Variants in HTT observed in about 807,000 individuals in gnomAD.
The protein encoded by HTT is huntingtin.
In HTT, 104 loss-of-function variants were observed where a neutral mutation model predicts 362.3. The observed-to-expected ratio is 0.29, with a 90% CI of 0.24 to 0.34. The LOEUF is 0.34. Among genes scored for constraint, HTT ranks in the 10% least tolerant of loss-of-function variants. HTT has a pLI of 1.00. For missense variants in HTT, 3,301 were observed against 3,928.6 expected, an observed-to-expected ratio of 0.84 and a Z score of 4.27; for synonymous variants, 1,577 against 1,548.7, an observed-to-expected ratio of 1.02 and a Z score of -0.43.
At chr4:3,130,472 G>A in intron 14 of HTT, 49 bp downstream of exon 14, 1 of 1,062,478 alleles carries the variant, frequency 9.4e-7, no homozygotes. Context: ...GCTTGTGTGA[G>A]GATTTAAAAT....
At chr4:3,177,408 TAGA>T (rs1240755499) in intron 34 of HTT, 21 bp downstream of exon 34, 8 of 1,516,024 alleles carry the variant, frequency 5.3e-6, no homozygotes, top group Non-Finnish European at 7.2e-6. Flanking sequence ...TTTATTATTT[TAGA>T]TTTTTTTCTT....
Position 3,157,120 on chromosome 4 carries a change from C to T in HTT, c.3674C>T (p.Ser1225Leu). Reference protein sequence around the residue: ...TSGPVTTSKSSSLGSFYHLPS... With the variant: ...TSGPVTTSKSLSLGSFYHLPS... The stretch of plus-strand genomic sequence containing the variant: ...GGTCCTGTTACAACAAGTAAATCCT[C>T]ATCACTGGGGAGTTTCTATCATCTT... The change falls in exon 28 of 67, where the codon TCA becomes TTA. Residue 1225 changes from serine to leucine, a missense_variant. Coordinates refer to ENST00000355072, the MANE Select transcript of HTT (RefSeq NM_001388492.1). 1 of 1,612,852 alleles carries T rather than the reference C, an allele frequency of 6.2e-7. No individual in the cohort carries two copies. The highest frequency in any genetic ancestry group is 8.5e-7 in the Non-Finnish European group (1 of 1,178,962).
chr4:3,118,894 A>G (rs992435944), intron 8 of HTT, among the ~76,000 whole-genome samples: 4 of 152,234 alleles, frequency 2.6e-5, no homozygotes, highest in Non-Finnish European at 5.9e-5. Context: ...ACTGTTCTTA[A>G]TTAAATTACC....
intron 40 of HTT, among the ~76,000 whole-genome samples, chr4:3,197,565 G>T (rs771224920): frequency 7.9e-5 from 12 of 151,984 alleles, no homozygotes; most frequent in Non-Finnish European, 1.8e-4. Context: ...GCCACCCCGG[G>T]GGCTGAGTAC....
chr4:3,215,551 T>C (rs1720358123), intron 51 of HTT, among the ~76,000 whole-genome samples: 1 of 152,180 alleles, frequency 6.6e-6, no homozygotes, highest in African/African-American at 2.4e-5. Context: ...CTTCTTTGTG[T>C]TCTCAGAAAT....
chr4:3,239,216 G>C (rs1251205046), intron 66 of HTT, among the ~76,000 whole-genome samples: 1 of 152,208 alleles, frequency 6.6e-6, no homozygotes, highest in African/African-American at 2.4e-5. Flanking sequence ...CGCAGCTGAG[G>C]GGCCTTTCTG....
chr4:3,132,968 T>C, intron 18 of HTT, 57 bp downstream of exon 18: 2 of 1,277,122 alleles, frequency 1.6e-6, no homozygotes, highest in Non-Finnish European at 2.3e-6. Flanking sequence ...TTATCATTGC[T>C]ACAATTAAAA....
At chr4:3,140,377 G>A in intron 21 of HTT, 133 bp from the exon 22 acceptor site, 1 of 691,142 alleles carries the variant, frequency 1.4e-6, no homozygotes, top group Non-Finnish European at 2.4e-6. Context: ...AACGCCACCT[G>A]AGAAAGGGGG....
rs1288397487 is a variant in HTT at position 3,135,859 on chromosome 4, C to T, written c.2634-45C>T. On this transcript the variant is annotated intron_variant, in intron 19 of 66. Transcript: ENST00000355072. ...GGAGCAAGCTGGCGGTAAGTGTTTA[C>T]TGAGTAACTAAATGATTTCATTGTT... 6 of 1,506,030 alleles carry T rather than the reference C, an allele frequency of 4.0e-6. No homozygotes were observed. The Admixed American group carries it at 6.0e-5, about 15-fold the overall frequency. 93.3% of individuals were successfully genotyped at this position (1,506,030 alleles called of 1,614,324 possible).
chr4:3,157,354 T>C (rs527610952), intron 28 of HTT, among the ~76,000 whole-genome samples, 155 bp downstream of exon 28: 1 of 152,382 alleles, frequency 6.6e-6, no homozygotes, highest in African/African-American at 2.4e-5. Flanking sequence ...CAGCTTTGTT[T>C]ATGATAGCTT....
chr4:3,184,473 G>T (rs1718668392), intron 37 of HTT, among the ~76,000 whole-genome samples: 1 of 152,024 alleles, frequency 6.6e-6, no homozygotes, highest in Non-Finnish European at 1.5e-5. Flanking sequence ...GCAGAGCAGG[G>T]CCACCCATGT....
At chr4:3,082,527 G>T (rs1256949054) in intron 1 of HTT, among the ~76,000 whole-genome samples, 1 of 152,178 alleles carries the variant, frequency 6.6e-6, no homozygotes, top group Non-Finnish European at 1.5e-5. Flanking sequence ...ATCACAGTGA[G>T]GTCTCAGGGA....
Position 3,177,446 on chromosome 4 carries a change from T to G in HTT, c.4463+59T>G, listed in dbSNP as rs1393123128. ...TCTTCTTGTGTACTTACATGTAATTTAGGTTATTAAGTGAATGTTTAAACT... is the reference window on the plus strand; with the variant it reads ...TCTTCTTGTGTACTTACATGTAATTGAGGTTATTAAGTGAATGTTTAAACT... On this transcript the variant is annotated intron_variant, in intron 34 of 66. Transcript: ENST00000355072. The G allele has an allele frequency of 2.6e-6, 3 of 1,164,976 alleles. No individual in the cohort carries two copies. In the Admixed American group the frequency reaches 7.3e-5, roughly 29 times the overall value. The allele number at this position is 1,164,976 out of a possible 1,614,324, so 72.2% of individuals were successfully genotyped here.
intron 8 of HTT, among the ~76,000 whole-genome samples, chr4:3,119,082 A>G (rs1258623526): frequency 6.6e-6 from 1 of 152,242 alleles, no homozygotes; most frequent in Non-Finnish European, 1.5e-5. Context: ...AAATTGAAAA[A>G]TAGAGGAAGC....
At chr4:3,080,032 G>A (rs988789437) in intron 1 of HTT, among the ~76,000 whole-genome samples, 4 of 152,108 alleles carry the variant, frequency 2.6e-5, no homozygotes, top group Non-Finnish European at 4.4e-5. Flanking sequence ...ACAAGCAAGA[G>A]CTTATCAGAA....
chr4:3,140,381 AAG>A, intron 21 of HTT, 127 bp from the exon 22 acceptor site: 1 of 701,638 alleles, frequency 1.4e-6, no homozygotes, highest in Non-Finnish European at 2.4e-6. Flanking sequence ...CCACCTGAGA[AAG>A]GGGGCGAGAA....
chr4:3,197,201 C>T (rs755239591), intron 40 of HTT, among the ~76,000 whole-genome samples: 1 of 151,992 alleles, frequency 6.6e-6, no homozygotes, highest in Non-Finnish European at 1.5e-5. Context: ...GTGTTTCTGC[C>T]TCTCTCCTTG....
At chr4:3,186,452 C>T (rs746264041) in intron 37 of HTT, 145 bp from the exon 38 acceptor site, 2 of 813,764 alleles carry the variant, frequency 2.5e-6, no homozygotes, top group East Asian at 2.6e-5. Context: ...GCTTGGTTCA[C>T]CACTGAACTT....
At position 3,240,183 on chromosome 4, in the gene HTT, G is replaced by A. The variant is rs542218918; in HGVS notation, c.*124G>A. 1.2e-5 allele frequency: 9 copies of A among 773,520 alleles called. No individual in the cohort carries two copies. Among genetic ancestry groups the A allele is most frequent in the South Asian group, 1.8e-5 (1 of 56,804 alleles). 47.9% of individuals were successfully genotyped at this position (773,520 alleles called of 1,614,324 possible). ...ATGGGCTTCCGCACATGCCGCGGGC[G>A]GCCAGGCAACGTGCGTGTCTCTGCC... is the stretch of plus-strand genomic sequence containing the variant. On this transcript the variant is annotated 3_prime_UTR_variant, in exon 67 of 67. Transcript: ENST00000355072.
Sources: gnomAD v4.1 joint callset for allele counts (sites outside exome capture counted in the v4.1 genomes callset) on GRCh38, gnomAD v4.1.1 for gene constraint, MANE v1.5 for transcripts, NCBI Gene and HGNC (gene_info 2026-07-23, HGNC 2026-07-21) for gene names.